TRMT2B: variants seen among roughly 807,000 people sequenced by gnomAD.
The protein encoded by TRMT2B is tRNA methyltransferase 2B.
A neutral mutation model predicts 39.7 loss-of-function variants in TRMT2B; 34 were observed. That is an observed-to-expected ratio of 0.86 (90% CI 0.65 to 1.14). The LOEUF (loss-of-function observed/expected upper bound fraction) is 1.14. Ranked by LOEUF, TRMT2B falls within the 50% of genes most tolerant of loss-of-function variation. The pLI is 0.00. For synonymous variants in TRMT2B, 132 were observed against 137.3 expected (o/e 0.96, Z 0.27); for missense variants, 318 against 377.2 (o/e 0.84, Z 1.30).
the TRMT2B span, chrX:100,987,607 A>G: frequency 1.5e-5 from 18 of 1,170,490 alleles, no homozygotes; most frequent in Non-Finnish European, 2.1e-5. Flanking sequence ...TGCAGGGATC[A>G]GTCTTTCTCA....
chrX:101,039,581 T>C (rs897331674), intron 4 of TRMT2B, among the ~76,000 whole-genome samples: 5 of 111,773 alleles, frequency 4.5e-5, no homozygotes, highest in African/African-American at 1.6e-4. Flanking sequence ...AGCACTGTTT[T>C]GTACATGGCA....
At chrX:101,028,122 T>A (rs2148028604) in intron 7 of TRMT2B, among the ~76,000 whole-genome samples, 1 of 96,013 alleles carries the variant, frequency 1.0e-5, no homozygotes, top group East Asian at 3.2e-4. Flanking sequence ...CTTTTTTTTT[T>A]TTTTTTTTTT....
intron 2 of TRMT2B, among the ~76,000 whole-genome samples, chrX:101,049,833 T>C (rs1054616231): frequency 8.4e-5 from 9 of 107,125 alleles, no homozygotes; most frequent in African/African-American, 2.0e-4. Context: ...GTATTCGATA[T>C]GGAGGATGGC....
At chrX:100,988,838 A>G in the TRMT2B span, among the ~76,000 whole-genome samples, 1 of 70,446 alleles carries the variant, frequency 1.4e-5, no homozygotes, top group Non-Finnish European at 2.5e-5. Context: ...TATATATATG[A>G]GATAATATAT....
At position 101,042,075 on chromosome X, in the gene TRMT2B, T is replaced by C. The variant is rs1432918579; in HGVS notation, c.215A>G (p.His72Arg). 9 of 1,210,525 alleles carry C rather than the reference T, an allele frequency of 7.4e-6. No homozygotes were observed. Among genetic ancestry groups the C allele is most frequent in the South Asian group, 1.8e-5 (1 of 56,887 alleles). ...CCAGGAACCATCTAGTGGTCCAAGA[T>C]GGCTTGGTTTCTTCTGACTTTTTTG... is the stretch of plus-strand genomic sequence containing the variant. Reference protein sequence around the residue: ...KGQKSQKKPSHLGPLDGSWQE... With the variant: ...KGQKSQKKPSRLGPLDGSWQE... The change falls in exon 3 of 14, where the codon CAT (histidine) becomes CGT (arginine). Residue 72 changes from histidine (H) to arginine (R), a missense_variant. Transcript: ENST00000372936.
intron 8 of TRMT2B, among the ~76,000 whole-genome samples, chrX:101,022,473 T>C (rs999821055): frequency 9.1e-6 from 1 of 110,368 alleles, no homozygotes; most frequent in African/African-American, 3.3e-5. Flanking sequence ...ATACAAAAAT[T>C]AGCCGGGCGT....
At chrX:101,020,146 T>C (rs2086726016) in intron 11 of TRMT2B, among the ~76,000 whole-genome samples, 2 of 111,944 alleles carry the variant, frequency 1.8e-5, no homozygotes, top group South Asian at 7.4e-4. Flanking sequence ...GCTGAAAATA[T>C]AGGTTTGACA....
the TRMT2B span, among the ~76,000 whole-genome samples, chrX:100,989,917 G>A: frequency 5.3e-5 from 6 of 112,947 alleles, no homozygotes; most frequent in Non-Finnish European, 1.1e-4. Flanking sequence ...CAAGGGGTGA[G>A]GATGAGAGCA....
At chrX:100,973,829 T>C in the TRMT2B span, 1 of 987,685 alleles carries the variant, frequency 1.0e-6, no homozygotes, top group Non-Finnish European at 1.4e-6. Flanking sequence ...GGGACAAATC[T>C]TCATAATATA....
At chrX:100,983,431 A>G in the TRMT2B span, among the ~76,000 whole-genome samples, 1 of 110,185 alleles carries the variant, frequency 9.1e-6, no homozygotes. Context: ...ACCTCAGCTC[A>G]CTGCAACCTC....
intron 4 of TRMT2B, among the ~76,000 whole-genome samples, chrX:101,039,060 T>C (rs1314707877): frequency 1.8e-5 from 2 of 110,422 alleles, no homozygotes; most frequent in African/African-American, 6.6e-5. Context: ...CTAAACTTTT[T>C]GTTTTTTTAT....
At chrX:101,037,325 C>T in intron 5 of TRMT2B, 1 of 351,596 alleles carries the variant, frequency 2.8e-6, no homozygotes, top group Non-Finnish European at 5.0e-6. Context: ...TAGGGCTTTG[C>T]AGGCCATATG....
intron 5 of TRMT2B, 57 bp from the exon 6 acceptor site, chrX:101,037,130 TAAC>T: frequency 2.2e-6 from 2 of 925,983 alleles, no homozygotes; most frequent in Non-Finnish European, 3.1e-6. Flanking sequence ...CCAAGGAAGA[TAAC>T]AATAAAGGGA....
At chrX:101,036,096 G>A (rs2087817086) in intron 6 of TRMT2B, among the ~76,000 whole-genome samples, 1 of 111,960 alleles carries the variant, frequency 8.9e-6, no homozygotes. Flanking sequence ...TAAACTGTGT[G>A]ACTAATATCA....
rs1333435483 is a variant in TRMT2B, at chrX:101,051,972, G to A, written c.-662C>T. 1 of 112,048 alleles carries A rather than the reference G, an allele frequency of 8.9e-6. No individual in the cohort carries two copies. The highest frequency in any genetic ancestry group is 1.9e-5 in the Non-Finnish European group (1 of 53,594). 9.2% of individuals were successfully genotyped at this position (112,048 alleles called of 1,213,427 possible). A position where few individuals can be genotyped will look rare whatever the true frequency, so the allele number is the denominator to read the frequency against. ...ACGGGGCTCCTCCCAGCGTCGGCGA[G>A]GCAGCAGGCTCCGGCACCTCGACTC... is the stretch of plus-strand genomic sequence containing the variant. On this transcript the variant is annotated 5_prime_UTR_variant, in exon 1 of 14. Coordinates refer to ENST00000372936, the MANE Select transcript of TRMT2B (RefSeq NM_024917.6).
the TRMT2B span, among the ~76,000 whole-genome samples, chrX:100,998,370 A>G: frequency 9.3e-6 from 1 of 108,040 alleles, no homozygotes; most frequent in East Asian, 2.9e-4. Context: ...TTGTCAACAA[A>G]TAATCGGATG....
rs113830632 is a variant in TRMT2B, at chrX:101,032,017, C to T, written c.609+3596G>A. ...ACATAGAAAATGAGGGAGAGGGGAC[C>T]GGGGGTGCCTATAATCCCAGCACTT... On this transcript the variant is annotated intron_variant, in intron 7 of 13. Coordinates refer to ENST00000372936, the MANE Select transcript of TRMT2B (RefSeq NM_024917.6). Among the ~76,000 whole-genome samples the T allele has an allele frequency of 8.5e-3, 942 of 110,595 alleles. 7 individuals carry two copies. The highest frequency in any genetic ancestry group is 0.029 in the African/African-American group (882 of 30,510).
chrX:100,992,529 C>T, the TRMT2B span, among the ~76,000 whole-genome samples: 7 of 110,823 alleles, frequency 6.3e-5, no homozygotes, highest in African/African-American at 2.3e-4. Context: ...TGCAGTGAGC[C>T]GAGATTGCAC....
At chrX:101,016,642 G>GTGTTT (rs760927979) in intron 13 of TRMT2B, among the ~76,000 whole-genome samples, 8 of 57,600 alleles carry the variant, frequency 1.4e-4, no homozygotes, top group African/African-American at 2.2e-4. Context: ...AATTTTCGTG[G>GTGTTT]TTTTTTTTTT....
Sources: allele counts gnomAD v4.1 joint callset (sites outside exome capture counted in the v4.1 genomes callset), GRCh38; gene constraint gnomAD v4.1.1; transcripts MANE v1.5; gene names NCBI Gene and HGNC (gene_info 2026-07-23, HGNC 2026-07-21).